NUCB1: variants seen among roughly 807,000 people sequenced by gnomAD.
The protein encoded by NUCB1 is nucleobindin 1.
In NUCB1, 47 loss-of-function variants were observed where a neutral mutation model predicts 61.2. The ratio of observed to expected loss-of-function variants is 0.77; its 90% CI spans 0.61 to 0.98. NUCB1 has a LOEUF of 0.98. NUCB1 is among the 50% of genes least tolerant of loss of function. NUCB1 has a pLI of 0.00. For missense variants in NUCB1, 583 were observed against 605.3 expected (o/e 0.96, Z 0.39); for synonymous variants, 234 against 243.1 (o/e 0.96, Z 0.35).
At chr19:48,911,499 G>A (rs1179492015) in intron 5 of NUCB1, among the ~76,000 whole-genome samples, 2 of 148,970 alleles carry the variant, frequency 1.3e-5, no homozygotes, top group Non-Finnish European at 3.0e-5. Context: ...TCCGCCTCCC[G>A]GGTTCAAGCG....
chr19:48,923,239 C>T lies in NUCB1; in HGVS notation c.*815C>T, dbSNP rs945142395. On this transcript the variant is annotated 3_prime_UTR_variant, in exon 13 of 13. Coordinates refer to ENST00000405315, the MANE Select transcript of NUCB1 (RefSeq NM_006184.6). The stretch of plus-strand genomic sequence containing the variant: ...CCTGCTGTGTGTCCTGTTCCATGTT[C>T]CGGTTCCATCCAAATACACTTTCTG... 6.6e-6 allele frequency: 1 copy of T among 152,388 alleles called. No individual in the cohort carries two copies. The highest frequency in any genetic ancestry group is 1.5e-5 in the Non-Finnish European group (1 of 68,158). The allele number at this position is 152,388 out of a possible 1,614,324, so 9.4% of individuals were successfully genotyped here.
At chr19:48,900,426 G>C (rs905054236) in intron 1 of NUCB1, 54 bp downstream of exon 1, 1 of 267,672 alleles carries the variant, frequency 3.7e-6, no homozygotes, top group African/African-American at 2.2e-5. Context: ...GGGGGCCAGA[G>C]GGCTGGAAAA....
At chr19:48,911,478 T>G (rs892753675) in intron 5 of NUCB1, among the ~76,000 whole-genome samples, 1 of 149,006 alleles carries the variant, frequency 6.7e-6, no homozygotes, top group African/African-American at 2.5e-5. Flanking sequence ...CAATCTCGGC[T>G]CACTGCAACC....
At chr19:48,904,797 C>T (rs1198889657) in intron 3 of NUCB1, among the ~76,000 whole-genome samples, 3 of 152,186 alleles carry the variant, frequency 2.0e-5, no homozygotes, top group Non-Finnish European at 2.9e-5. Context: ...GTTGGGATTA[C>T]AGGCATGAGC....
Position 48,921,933 on chromosome 19 carries a change from G to A in NUCB1, c.1279+1G>A. On this transcript the variant is annotated splice_donor_variant, in intron 12 of 12. Coordinates refer to ENST00000405315, the MANE Select transcript of NUCB1 (RefSeq NM_006184.6). LOFTEE classifies it high-confidence loss of function. ...CAGCTCAAGTTCCACCCAGACACAG[G>A]TGCTGGCCCTAGTCCAGGGAGGAGG... The A allele has an allele frequency of 1.3e-6, 2 of 1,590,540 alleles. No homozygotes were observed. Among genetic ancestry groups the A allele is most frequent in the Non-Finnish European group, 1.7e-6 (2 of 1,168,444 alleles).
intron 6 of NUCB1, 113 bp from the exon 7 acceptor site, chr19:48,913,361 G>A: frequency 8.0e-7 from 1 of 1,254,692 alleles, no homozygotes; most frequent in South Asian, 1.3e-5. Flanking sequence ...AGTTTTCTTA[G>A]TTTTCTTGCT....
rs2037622331 is a variant in NUCB1 at position 48,922,439 on chromosome 19, A to G, written c.*15A>G. 1 of 1,599,682 alleles carries G rather than the reference A, an allele frequency of 6.3e-7. No homozygotes were observed. Among genetic ancestry groups the G allele is most frequent in the Non-Finnish European group, 8.6e-7 (1 of 1,167,040 alleles). The stretch of plus-strand genomic sequence containing the variant: ...AGCATCTGTGATCCTCCGGGACCCC[A>G]GCCCTCAGGATTCCTGATGCTCCAA... On this transcript the variant is annotated 3_prime_UTR_variant, in exon 13 of 13. Coordinates refer to ENST00000405315, the MANE Select transcript of NUCB1 (RefSeq NM_006184.6).
chr19:48,912,843 CA>C (rs5828367), intron 5 of NUCB1, among the ~76,000 whole-genome samples, 167 bp from the exon 6 acceptor site: 29,221 of 95,108 alleles, frequency 0.31, 3,367 homozygotes, highest in South Asian at 0.43. Flanking sequence ...GACTCCCTCT[CA>C]AAAAAAAAAA....
At chr19:48,919,404 C>T (rs946990467) in intron 10 of NUCB1, 118 bp downstream of exon 10, 4 of 637,322 alleles carry the variant, frequency 6.3e-6, no homozygotes, top group Non-Finnish European at 1.1e-5. Context: ...TCTCCTGGGT[C>T]ACTGCATCTC....
chr19:48,919,392 A>C (rs1430120538), intron 10 of NUCB1, 106 bp downstream of exon 10: 2 of 767,562 alleles, frequency 2.6e-6, no homozygotes, highest in Non-Finnish European at 4.3e-6. Flanking sequence ...GTCCCCGTCC[A>C]TTCTCCTGGG....
rs1417693548 is a variant in NUCB1, at chr19:48,900,816, G to A, written c.20G>A (p.Arg7Gln). 1 of 1,613,904 alleles carries A rather than the reference G, an allele frequency of 6.2e-7. No individual in the cohort carries two copies. Among genetic ancestry groups the A allele is most frequent in the Non-Finnish European group, 8.5e-7 (1 of 1,180,012 alleles). Residue 7 changes from arginine (R) to glutamine (Q), a missense_variant, in exon 2 of 13, where the codon CGA becomes CAA. Transcript: ENST00000405315. ...ACTGCCATGCCTCCCTCTGGGCCCCGAGGAACCCTCCTTCTGTTGCCGCTG... is the reference window on the plus strand; with the variant it reads ...ACTGCCATGCCTCCCTCTGGGCCCCAAGGAACCCTCCTTCTGTTGCCGCTG... The part of the protein sequence containing the change: MPPSGP[R>Q]GTLLLLPLLL...
Position 48,922,453 on chromosome 19 carries a change from C to G in NUCB1, c.*29C>G, listed in dbSNP as rs1223011795. On this transcript the variant is annotated 3_prime_UTR_variant, in exon 13 of 13. Transcript: ENST00000405315. ...TCCGGGACCCCAGCCCTCAGGATTCCTGATGCTCCAAGGCGACTGATGGGC... is the reference window on the plus strand; with the variant it reads ...TCCGGGACCCCAGCCCTCAGGATTCGTGATGCTCCAAGGCGACTGATGGGC... 6.4e-7 allele frequency: 1 copy of G among 1,569,674 alleles called. No individual in the cohort carries two copies. The highest frequency in any genetic ancestry group is 8.8e-7 in the Non-Finnish European group (1 of 1,140,024).
intron 2 of NUCB1, among the ~76,000 whole-genome samples, chr19:48,901,997 C>T (rs985095904): frequency 2.0e-5 from 3 of 152,160 alleles, no homozygotes; most frequent in Non-Finnish European, 4.4e-5. Flanking sequence ...GTTGTTAGGG[C>T]CCAGCCATGT....
At chr19:48,912,080 A>T (rs1409624586) in intron 5 of NUCB1, among the ~76,000 whole-genome samples, 1 of 146,062 alleles carries the variant, frequency 6.8e-6, no homozygotes, top group Non-Finnish European at 1.5e-5. Flanking sequence ...GCTGGAGTGC[A>T]GTGGCATGAT....
chr19:48,901,006 A>AG (rs1274805994), intron 2 of NUCB1, 75 bp downstream of exon 2: 1 of 1,563,832 alleles, frequency 6.4e-7, no homozygotes, highest in African/African-American at 1.4e-5. Flanking sequence ...CGGTGCCCGT[A>AG]GGGCGGATGC....
At chr19:48,915,781 A>G (rs551067186) in intron 7 of NUCB1, among the ~76,000 whole-genome samples, 11 of 151,262 alleles carry the variant, frequency 7.3e-5, no homozygotes, top group Admixed American at 3.3e-4. Flanking sequence ...GGTTACAAGC[A>G]TGAGCCATCC....
intron 4 of NUCB1, among the ~76,000 whole-genome samples, chr19:48,908,695 G>GTGTGTGTGTGTGTGTGTGTA (rs1269071160): frequency 7.2e-6 from 1 of 138,496 alleles, no homozygotes; most frequent in East Asian, 2.0e-4. Flanking sequence ...GTGTGTGTGT[G>GTGTGTGTGTGTGTGTGTGTA]TGTCTTTCTG....
chr19:48,905,547 C>G (rs773520053), intron 3 of NUCB1, among the ~76,000 whole-genome samples: 1 of 152,138 alleles, frequency 6.6e-6, no homozygotes, highest in Non-Finnish European at 1.5e-5. Context: ...TGATGAATGA[C>G]AGGAGATGGG....
At chr19:48,905,916 A>C (rs746159006) in intron 4 of NUCB1, 31 bp downstream of exon 4, 1 of 476,734 alleles carries the variant, frequency 2.1e-6, no homozygotes, top group Non-Finnish European at 4.0e-6. Flanking sequence ...AGGGACAGGC[A>C]GGGAGGGGTG....
Sources: gnomAD v4.1 joint callset for allele counts (sites outside exome capture counted in the v4.1 genomes callset) on GRCh38, gnomAD v4.1.1 for gene constraint, MANE v1.5 for transcripts, NCBI Gene and HGNC (gene_info 2026-07-23, HGNC 2026-07-21) for gene names.